Variants in CASD1 observed in about 807,000 individuals in gnomAD.
The protein encoded by CASD1 is N-acetylneuraminate (7)9-O-acetyltransferase.
Under a neutral mutation model 100.0 loss-of-function variants are expected in CASD1, and 41 were observed. The ratio of observed to expected loss-of-function variants is 0.41; its 90% CI spans 0.32 to 0.53. The LOEUF is 0.53. Ranked by LOEUF, CASD1 falls within the 20% of genes least tolerant of loss-of-function variation. The pLI is 0.25. For missense variants in CASD1, 774 were observed against 948.7 expected, an observed-to-expected ratio of 0.82 and a Z score of 2.42; for synonymous variants, 321 against 315.6, an observed-to-expected ratio of 1.02 and a Z score of -0.18.
At chr7:94,599,146 CTG>C in the CASD1 span, 4 of 556,236 alleles carry the variant, frequency 7.2e-6, no homozygotes, top group Admixed American at 3.2e-5. Flanking sequence ...TATAACAAAA[CTG>C]AAAATTATAA....
intron 8 of CASD1, among the ~76,000 whole-genome samples, chr7:94,536,930 C>A (rs1347454498): frequency 6.6e-6 from 1 of 152,108 alleles, no homozygotes; most frequent in African/African-American, 2.4e-5. Context: ...AAATGAAAGG[C>A]ATATTACAAA....
chr7:94,534,009 T>C (rs1227804524), intron 7 of CASD1, among the ~76,000 whole-genome samples: 1 of 152,046 alleles, frequency 6.6e-6, no homozygotes, highest in African/African-American at 2.4e-5. Context: ...AAATAAAAAA[T>C]ATCCTCCAAG....
At position 94,518,748 on chromosome 7, in the gene CASD1, A is replaced by G. The variant is rs1012376515; in HGVS notation, c.351+425A>G. Among the ~76,000 whole-genome samples the G allele has an allele frequency of 3.9e-5, 6 of 152,022 alleles. No homozygotes were observed. In the East Asian group the frequency reaches 7.7e-4, roughly 20 times the overall value. ...TATCTTGCTTTTTTCTTCACCACTTATTCACCATTATATAATCAACTTAAG... is the reference window on the plus strand; with the variant it reads ...TATCTTGCTTTTTTCTTCACCACTTGTTCACCATTATATAATCAACTTAAG... On this transcript the variant is annotated intron_variant, in intron 3 of 17. Coordinates refer to ENST00000297273, the MANE Select transcript of CASD1 (RefSeq NM_022900.5).
At chr7:94,629,844 GAAAAC>G in the CASD1 span, 1 of 1,610,260 alleles carries the variant, frequency 6.2e-7, no homozygotes, top group Non-Finnish European at 8.5e-7. Flanking sequence ...ACTGTACACT[GAAAAC>G]AAAGAGGAAA....
At chr7:94,600,696 C>T in the CASD1 span, 1 of 1,613,822 alleles carries the variant, frequency 6.2e-7, no homozygotes, top group East Asian at 2.2e-5. Context: ...GAAAAAGGAC[C>T]AGTGCCACTG....
At chr7:94,601,568 G>A in the CASD1 span, among the ~76,000 whole-genome samples, 2 of 150,462 alleles carry the variant, frequency 1.3e-5, no homozygotes, top group East Asian at 4.0e-4. Context: ...TTTATTGAAG[G>A]ACACTAAAAA....
the CASD1 span, among the ~76,000 whole-genome samples, chr7:94,570,430 T>C: frequency 7.2e-5 from 11 of 152,330 alleles, no homozygotes; most frequent in East Asian, 1.9e-4. Flanking sequence ...TTTTATGTTA[T>C]TGATGTCACA....
the CASD1 span, among the ~76,000 whole-genome samples, chr7:94,586,192 A>C: frequency 2.0e-5 from 3 of 152,014 alleles, no homozygotes; most frequent in Non-Finnish European, 4.4e-5. Context: ...AATTACCTTC[A>C]TAAAGAAAAC....
the CASD1 span, among the ~76,000 whole-genome samples, chr7:94,612,062 G>C: frequency 4.6e-5 from 7 of 152,018 alleles, no homozygotes; most frequent in Non-Finnish European, 1.0e-4. Flanking sequence ...AACTACCAAG[G>C]CAACACCATA....
At chr7:94,599,938 A>C in the CASD1 span, 1 of 409,322 alleles carries the variant, frequency 2.4e-6, no homozygotes, top group Non-Finnish European at 4.3e-6. Flanking sequence ...AAAATGAAAA[A>C]AATGGAGATT....
intron 5 of CASD1, 97 bp downstream of exon 5, chr7:94,528,347 T>C: frequency 1.2e-6 from 1 of 812,562 alleles, no homozygotes; most frequent in Non-Finnish European, 1.9e-6. Flanking sequence ...CCCACTCTCC[T>C]ATATTTTATA....
chr7:94,514,314 C>G (rs919292923), intron 1 of CASD1, among the ~76,000 whole-genome samples: 4 of 152,094 alleles, frequency 2.6e-5, no homozygotes, highest in Admixed American at 2.6e-4. Flanking sequence ...ACACTCCTTG[C>G]TTGTCTAACG....
At chr7:94,525,121 T>C (rs936365566) in intron 3 of CASD1, among the ~76,000 whole-genome samples, 1 of 150,486 alleles carries the variant, frequency 6.6e-6, no homozygotes, top group Non-Finnish European at 1.5e-5. Flanking sequence ...AGAAAAACTA[T>C]AGAATATGTA....
chr7:94,528,157 T>G, intron 4 of CASD1, 31 bp from the exon 5 acceptor site: 1 of 1,484,854 alleles, frequency 6.7e-7, no homozygotes, highest in Non-Finnish European at 9.3e-7. Context: ...TTTCTTCAAC[T>G]TTTTCTTTAC....
the CASD1 span, among the ~76,000 whole-genome samples, chr7:94,591,630 C>T: frequency 6.6e-6 from 1 of 151,444 alleles, no homozygotes; most frequent in Non-Finnish European, 1.5e-5. Flanking sequence ...ATGCCCCCCA[C>T]TTCTCTTGTT....
chr7:94,517,078 A>G (rs1794014101), intron 1 of CASD1, among the ~76,000 whole-genome samples: 1 of 151,788 alleles, frequency 6.6e-6, no homozygotes, highest in African/African-American at 2.4e-5. Context: ...CAATTTTTGT[A>G]TTTTTAGTAG....
At chr7:94,583,881 A>AAAAG in the CASD1 span, among the ~76,000 whole-genome samples, 1 of 152,070 alleles carries the variant, frequency 6.6e-6, no homozygotes. Context: ...AAACAAAAAA[A>AAAAG]CCCTTAATAG....
chr7:94,544,579 TGAGAAAGCATTAACTTGA>T, intron 11 of CASD1, 49 bp downstream of exon 11: 1 of 1,574,422 alleles, frequency 6.4e-7, no homozygotes, highest in Non-Finnish European at 8.6e-7. Context: ...CATACTTTCT[TGAGAAAGCATTAACTTGA>T]GAAAAAAATA....
the CASD1 span, chr7:94,624,776 T>C: frequency 6.6e-6 from 1 of 151,990 alleles, no homozygotes; most frequent in Non-Finnish European, 1.5e-5. Context: ...AGAAAAAAAA[T>C]AGATTTTTTC....
Sources: allele counts gnomAD v4.1 joint callset (sites outside exome capture counted in the v4.1 genomes callset), GRCh38; gene constraint gnomAD v4.1.1; transcripts MANE v1.5; gene names NCBI Gene and HGNC (gene_info 2026-07-23, HGNC 2026-07-21).